Variants in ATP8A2 observed in about 807,000 individuals in gnomAD.
The protein encoded by ATP8A2 is ATPase phospholipid transporting 8A2.
A neutral mutation model predicts 165.6 loss-of-function variants in ATP8A2; 100 were observed. That is an observed-to-expected ratio of 0.60 (90% CI 0.51 to 0.71). ATP8A2 has a LOEUF of 0.71. Among genes scored for constraint, ATP8A2 ranks in the 30% least tolerant of loss-of-function variants. The pLI is 0.00. For missense variants in ATP8A2, 1,227 were observed against 1,479.5 expected (o/e 0.83, Z 2.80); for synonymous variants, 543 against 548.8 (o/e 0.99, Z 0.15).
At chr13:25,701,201 A>G (rs974716425) in intron 25 of ATP8A2, among the ~76,000 whole-genome samples, 2 of 152,118 alleles carry the variant, frequency 1.3e-5, no homozygotes, top group Admixed American at 6.5e-5. Flanking sequence ...CAGTTTATCT[A>G]TCTTTTTCTT....
chr13:25,508,810 G>A (rs904163203), intron 2 of ATP8A2, among the ~76,000 whole-genome samples: 7 of 152,210 alleles, frequency 4.6e-5, no homozygotes, highest in African/African-American at 1.7e-4. Context: ...GGCCCCAGGG[G>A]GGACCTTACC....
At chr13:25,509,806 G>A (rs1406847626) in intron 2 of ATP8A2, among the ~76,000 whole-genome samples, 1 of 152,160 alleles carries the variant, frequency 6.6e-6, no homozygotes, top group Non-Finnish European at 1.5e-5. Context: ...ATGAATACCA[G>A]TACATTGTGT....
At chr13:25,461,477 G>T (rs951220939) in intron 1 of ATP8A2, among the ~76,000 whole-genome samples, 1 of 152,204 alleles carries the variant, frequency 6.6e-6, no homozygotes, top group African/African-American at 2.4e-5. Flanking sequence ...GGAGCGGAAT[G>T]TATGTGTATA....
intron 22 of ATP8A2, 114 bp from the exon 23 acceptor site, chr13:25,581,705 G>A: frequency 9.8e-7 from 1 of 1,018,950 alleles, no homozygotes; most frequent in Non-Finnish European, 1.5e-6. Flanking sequence ...GTATAAAATA[G>A]AGGAAATAGA....
intron 1 of ATP8A2, among the ~76,000 whole-genome samples, chr13:25,377,409 C>G (rs371816845): frequency 1.6e-4 from 24 of 152,328 alleles, no homozygotes; most frequent in East Asian, 9.6e-4. Context: ...AGGACCTACT[C>G]CAGGACAGGA....
At chr13:25,389,371 C>T (rs1566097576) in intron 1 of ATP8A2, among the ~76,000 whole-genome samples, 2 of 152,032 alleles carry the variant, frequency 1.3e-5, no homozygotes, top group Non-Finnish European at 2.9e-5. Flanking sequence ...AATAAGACAA[C>T]AGGCTGAAAA....
intron 24 of ATP8A2, among the ~76,000 whole-genome samples, chr13:25,637,642 A>T (rs2041405809): frequency 6.6e-6 from 1 of 152,178 alleles, no homozygotes; most frequent in South Asian, 2.1e-4. Context: ...GTTGCAGCTC[A>T]AGGAGGCCTG....
At chr13:25,386,692 C>A (rs1219987741) in intron 1 of ATP8A2, among the ~76,000 whole-genome samples, 1 of 151,864 alleles carries the variant, frequency 6.6e-6, no homozygotes, top group Non-Finnish European at 1.5e-5. Context: ...TCTTGGTGTT[C>A]AACTACTTAT....
At chr13:25,866,994 A>T (rs1399340293) in intron 33 of ATP8A2, among the ~76,000 whole-genome samples, 1 of 152,130 alleles carries the variant, frequency 6.6e-6, no homozygotes, top group Non-Finnish European at 1.5e-5. Context: ...AATTCTCCTC[A>T]CTAACTTTTG....
Position 25,551,379 on chromosome 13 carries a change from G to A in ATP8A2, c.933G>A (p.Lys311=), listed in dbSNP as rs905397076. 6.2e-7 allele frequency: 1 copy of A among 1,614,144 alleles called. No homozygotes were observed. Among genetic ancestry groups the A allele is most frequent in the Non-Finnish European group, 8.5e-7 (1 of 1,179,992 alleles). Residue 311 remains lysine (K), a synonymous_variant, in exon 11 of 37, where the codon AAG becomes AAA. Transcript: ENST00000381655. ...KAPLKRSNVE[K]VTNVQILVLF... ...CTCTCAAGAGATCAAATGTTGAGAA[G>A]GTGACTAACGTGCAGATCCTGGTGT... is the stretch of plus-strand genomic sequence containing the variant.
chr13:25,430,196 GC>G (rs2034568458), intron 1 of ATP8A2, among the ~76,000 whole-genome samples: 1 of 152,054 alleles, frequency 6.6e-6, no homozygotes, highest in Non-Finnish European at 1.5e-5. Context: ...AGAGGTCCAG[GC>G]CCCAGCCTAC....
At chr13:25,699,702 G>C (rs2042911377) in intron 25 of ATP8A2, among the ~76,000 whole-genome samples, 1 of 152,130 alleles carries the variant, frequency 6.6e-6, no homozygotes. Context: ...AAGATGTGTG[G>C]GGCTTTGATG....
intron 1 of ATP8A2, among the ~76,000 whole-genome samples, chr13:25,465,300 G>T (rs530288893): frequency 2.0e-5 from 3 of 152,230 alleles, no homozygotes; most frequent in Admixed American, 2.0e-4. Flanking sequence ...GAGGTAGAAA[G>T]AATTTATCTG....
chr13:25,696,866 C>G (rs1242548351), intron 24 of ATP8A2, among the ~76,000 whole-genome samples: 2 of 152,346 alleles, frequency 1.3e-5, no homozygotes, highest in East Asian at 3.9e-4. Context: ...AGAGGCCTAG[C>G]TTTTGGCCTA....
intron 1 of ATP8A2, among the ~76,000 whole-genome samples, chr13:25,406,406 G>A (rs1224507641): frequency 1.3e-5 from 2 of 152,166 alleles, no homozygotes; most frequent in African/African-American, 4.8e-5. Flanking sequence ...GAAACAATAG[G>A]TAAACTGGAA....
intron 24 of ATP8A2, among the ~76,000 whole-genome samples, chr13:25,619,658 T>C (rs1339655440): frequency 6.6e-6 from 1 of 152,142 alleles, no homozygotes; most frequent in African/African-American, 2.4e-5. Flanking sequence ...AATTAAAAAT[T>C]CTAAGGAAAG....
chr13:25,607,651 C>T (rs1018120582), intron 24 of ATP8A2, among the ~76,000 whole-genome samples: 1 of 152,150 alleles, frequency 6.6e-6, no homozygotes, highest in Admixed American at 6.5e-5. Flanking sequence ...TGGAAACTGA[C>T]TCAATTCCAG....
intron 35 of ATP8A2, among the ~76,000 whole-genome samples, chr13:25,988,566 A>G (rs1261769153): frequency 1.3e-5 from 2 of 152,162 alleles, no homozygotes; most frequent in Non-Finnish European, 2.9e-5. Flanking sequence ...ATGTGGGATG[A>G]AGTGGGAGAA....
At chr13:25,474,438 TGTAGTCCCA>T (rs2035936001) in intron 2 of ATP8A2, among the ~76,000 whole-genome samples, 1 of 151,742 alleles carries the variant, frequency 6.6e-6, no homozygotes, top group African/African-American at 2.4e-5. Flanking sequence ...GGTGGGCGCC[TGTAGTCCCA>T]GCTACTCGGG....
Sources: gnomAD v4.1 joint callset for allele counts (sites outside exome capture counted in the v4.1 genomes callset) on GRCh38, gnomAD v4.1.1 for gene constraint, MANE v1.5 for transcripts, NCBI Gene and HGNC (gene_info 2026-07-23, HGNC 2026-07-21) for gene names.